The following LRRC4C variants were observed in gnomAD, a reference collection of about 807,000 sequenced individuals.
The protein encoded by LRRC4C is leucine rich repeat containing 4C.
Under a neutral mutation model 33.6 loss-of-function variants are expected in LRRC4C, and 5 were observed. The observed-to-expected ratio is 0.15, with a 90% CI of 0.08 to 0.31. The LOEUF (loss-of-function observed/expected upper bound fraction) is 0.31, where lower values mean the gene tolerates loss of function less well. Among genes scored for constraint, LRRC4C ranks in the 10% least tolerant of loss-of-function variants. The pLI is 1.00. For missense variants in LRRC4C, 560 were observed against 796.7 expected (o/e 0.70, Z 3.58); for synonymous variants, 329 against 302.0 (o/e 1.09, Z -0.93).
chr11:40,528,335 C>T (rs1956138805), intron 3 of LRRC4C, among the ~76,000 whole-genome samples: 1 of 149,722 alleles, frequency 6.7e-6, no homozygotes, highest in Non-Finnish European at 1.5e-5. Context: ...GATAGCAAAA[C>T]AACAACAAAT....
At position 40,184,778 on chromosome 11, in the gene LRRC4C, CAATCTCACACCCAAGAATCTTG is replaced by C. The variant is rs1187401838; in HGVS notation, c.-95-43947_-95-43926del. 1.9e-4 allele frequency among the ~76,000 whole-genome samples: 29 copies of C among 152,310 alleles called. No homozygotes were observed. The South Asian group carries it at 3.1e-3, about 16-fold the overall frequency. On this transcript the variant is annotated intron_variant, in intron 5 of 6. Coordinates refer to ENST00000528697, the MANE Select transcript of LRRC4C (RefSeq NM_001258419.2). Reference sequence around the variant, plus strand: ...ACTGCATCTCTGGAGGGAGGGAATGCAATCTCACACCCAAGAATCTTGAATTAGAATAAAGAGACTGTCCACC... The same window carrying C: ...ACTGCATCTCTGGAGGGAGGGAATGCAATTAGAATAAAGAGACTGTCCACC...
chr11:41,291,736 G>A (rs1425168486), intron 1 of LRRC4C, among the ~76,000 whole-genome samples: 2 of 152,090 alleles, frequency 1.3e-5, no homozygotes, highest in African/African-American at 4.8e-5. Flanking sequence ...ATCTTAGATT[G>A]AGGAGAATTA....
chr11:41,348,781 G>A (rs1338092882), intron 1 of LRRC4C, among the ~76,000 whole-genome samples: 2 of 152,138 alleles, frequency 1.3e-5, no homozygotes, highest in Non-Finnish European at 2.9e-5. Flanking sequence ...AGGGGTCAAC[G>A]AAATAGGCAT....
intron 5 of LRRC4C, among the ~76,000 whole-genome samples, chr11:40,183,393 T>C (rs1303584381): frequency 6.6e-6 from 1 of 152,214 alleles, no homozygotes; most frequent in Non-Finnish European, 1.5e-5. Context: ...GTTGTTGTTT[T>C]CTTTTTTCAC....
chr11:41,211,801 G>A (rs1946834922), intron 1 of LRRC4C, among the ~76,000 whole-genome samples: 1 of 152,140 alleles, frequency 6.6e-6, no homozygotes, highest in African/African-American at 2.4e-5. Context: ...ACGTGCTCAT[G>A]TGTCTTTATA....
intron 1 of LRRC4C, among the ~76,000 whole-genome samples, chr11:41,096,540 A>T (rs988812): frequency 6.6e-6 from 1 of 152,122 alleles, no homozygotes; most frequent in Non-Finnish European, 1.5e-5. Flanking sequence ...GAGATCATTC[A>T]TCTCATTGGC....
intron 1 of LRRC4C, among the ~76,000 whole-genome samples, chr11:41,097,348 A>G (rs1205024969): frequency 6.6e-6 from 1 of 152,192 alleles, no homozygotes. Context: ...ATGCCAATCC[A>G]GTAGGCCCCA....
chr11:40,139,425 A>G (rs970019450), intron 6 of LRRC4C, among the ~76,000 whole-genome samples: 1 of 152,212 alleles, frequency 6.6e-6, no homozygotes, highest in Non-Finnish European at 1.5e-5. Flanking sequence ...ACAAATAGGT[A>G]TGGCAAAATA....
chr11:40,347,951 C>T (rs899268379), intron 3 of LRRC4C, among the ~76,000 whole-genome samples: 2 of 152,128 alleles, frequency 1.3e-5, no homozygotes, highest in South Asian at 2.1e-4. Context: ...TGTTTATTGG[C>T]CTAGTTTCAA....
chr11:40,816,475 A>G (rs906888256), intron 2 of LRRC4C, among the ~76,000 whole-genome samples: 9 of 152,054 alleles, frequency 5.9e-5, no homozygotes, highest in Non-Finnish European at 1.0e-4. Flanking sequence ...TCTTTTTTCA[A>G]TTGGAGAGGA....
chr11:40,766,390 C>T lies in LRRC4C; in HGVS notation c.-406-118112G>A, dbSNP rs114785518. Among the ~76,000 whole-genome samples, 567 of 93,568 alleles carry T rather than the reference C, an allele frequency of 6.1e-3. 3 individuals are homozygous for T. Among genetic ancestry groups the T allele is most frequent in the African/African-American group, 0.019 (487 of 25,360 alleles). The allele number at this position is 93,568 out of a possible 152,430, so 61.4% of individuals were successfully genotyped here. ...AAAAAAAAAAAAAAAGAAGATAACA[C>T]GCAATAGACAATCATCTAAAGGTAC... On this transcript the variant is annotated intron_variant, in intron 2 of 6. Transcript: ENST00000528697.
rs184580384 is a variant in LRRC4C at position 40,662,575 on chromosome 11, C to T, written c.-406-14297G>A. Among the ~76,000 whole-genome samples the T allele has an allele frequency of 9.8e-4, 149 of 152,252 alleles. 1 individual carries two copies. The highest frequency in any genetic ancestry group is 1.6e-3 in the Non-Finnish European group (112 of 68,038). On this transcript the variant is annotated intron_variant, in intron 2 of 6. Transcript: ENST00000528697. ...TTTAGCTCCATGAAGTCCGTGTTCA[C>T]GAAAAGAAACTGGCCAGGGAAATTC...
chr11:41,060,881 T>C (rs904661074), intron 1 of LRRC4C, among the ~76,000 whole-genome samples: 28 of 152,092 alleles, frequency 1.8e-4, no homozygotes, highest in African/African-American at 6.8e-4. Context: ...TACCCGTAAC[T>C]CAACCTCTAC....
intron 5 of LRRC4C, among the ~76,000 whole-genome samples, chr11:40,237,929 C>T (rs796546931): frequency 3.9e-5 from 6 of 152,188 alleles, no homozygotes; most frequent in Non-Finnish European, 5.9e-5. Flanking sequence ...AAACAGCCAC[C>T]GCTGAAAAGA....
chr11:40,712,538 C>A (rs1480478306), intron 2 of LRRC4C, among the ~76,000 whole-genome samples: 4 of 151,988 alleles, frequency 2.6e-5, no homozygotes, highest in Non-Finnish European at 4.4e-5. Context: ...AAAGCTATTT[C>A]TAGAAAAACT....
At chr11:40,428,156 A>AT (rs147717723) in intron 3 of LRRC4C, among the ~76,000 whole-genome samples, 5,344 of 150,320 alleles carry the variant, frequency 0.036, 313 homozygotes, top group African/African-American at 0.12. Flanking sequence ...AATTCTTTAA[A>AT]TTTTTTTTTT....
At chr11:40,288,635 G>C (rs1350967725) in intron 4 of LRRC4C, among the ~76,000 whole-genome samples, 1 of 152,158 alleles carries the variant, frequency 6.6e-6, no homozygotes, top group Non-Finnish European at 1.5e-5. Context: ...AGATTTGCAC[G>C]TGTAAACAAT....
Position 40,283,756 on chromosome 11 carries a change from G to A in LRRC4C, c.-176+35872C>T, listed in dbSNP as rs537250310. 4.5e-4 allele frequency among the ~76,000 whole-genome samples: 63 copies of A among 138,702 alleles called. 1 individual carries two copies. The South Asian group carries it at 0.014, about 32-fold the overall frequency. The allele number at this position is 138,702 out of a possible 152,430, so 91.0% of individuals were successfully genotyped here. On this transcript the variant is annotated intron_variant, in intron 4 of 6. Transcript: ENST00000528697. ...TTTCACTCTCGTTACCCAGGCTGGA[G>A]TGCAATGGCGTGATTTCGGCTCACC...
chr11:40,140,285 AACTACC>A (rs1857272447), intron 6 of LRRC4C, among the ~76,000 whole-genome samples: 1 of 152,162 alleles, frequency 6.6e-6, no homozygotes, highest in Non-Finnish European at 1.5e-5. Flanking sequence ...CTGCAGGTAG[AACTACC>A]ACTCATGGAA....
Sources: gnomAD v4.1 joint callset for allele counts (sites outside exome capture counted in the v4.1 genomes callset) on GRCh38, gnomAD v4.1.1 for gene constraint, MANE v1.5 for transcripts, NCBI Gene and HGNC (gene_info 2026-07-23, HGNC 2026-07-21) for gene names.